Variants in DMD observed in about 807,000 individuals in gnomAD.
The protein encoded by DMD is dystrophin.
A neutral mutation model predicts 330.1 loss-of-function variants in DMD; 63 were observed. That is an observed-to-expected ratio of 0.19 (90% CI 0.16 to 0.24). DMD has a LOEUF of 0.24. Ranked by LOEUF, DMD falls within the 10% of genes least tolerant of loss-of-function variation. The pLI, the probability that DMD is intolerant of heterozygous loss-of-function variation, is 1.00. For missense variants in DMD, 3,344 were observed against 2,684.1 expected (o/e 1.25, Z -5.43); for synonymous variants, 1,223 against 959.8 (o/e 1.27, Z -5.07).
At chrX:33,118,224 C>G (rs762600643) in intron 1 of DMD, among the ~76,000 whole-genome samples, 1 of 106,565 alleles carries the variant, frequency 9.4e-6, no homozygotes, top group African/African-American at 3.4e-5. Context: ...CATTCTCCTG[C>G]CTCAGCCTCC....
intron 13 of DMD, among the ~76,000 whole-genome samples, chrX:32,592,952 T>C (rs1262316417): frequency 8.8e-6 from 1 of 113,074 alleles, no homozygotes; most frequent in African/African-American, 3.2e-5. Flanking sequence ...CTGGTGCCTG[T>C]AGCTGCCTTC....
chrX:32,957,051 G>A (rs1452166236), intron 2 of DMD, among the ~76,000 whole-genome samples: 2 of 111,466 alleles, frequency 1.8e-5, no homozygotes, highest in East Asian at 5.6e-4. Flanking sequence ...TTGCTTTCTA[G>A]ACAGGCTCCA....
chrX:32,487,907 A>G (rs1326333189), intron 20 of DMD, among the ~76,000 whole-genome samples: 2 of 111,925 alleles, frequency 1.8e-5, no homozygotes, highest in African/African-American at 6.5e-5. Flanking sequence ...TTCTGTATTT[A>G]TAGTACAGAA....
At chrX:31,284,524 A>T in intron 62 of DMD, among the ~76,000 whole-genome samples, 1 of 103,571 alleles carries the variant, frequency 9.7e-6, no homozygotes. Flanking sequence ...AGGAAACACA[A>T]ACTCCTTCTT....
intron 1 of DMD, among the ~76,000 whole-genome samples, chrX:33,216,743 G>C (rs899830087): frequency 2.7e-5 from 3 of 109,483 alleles, no homozygotes; most frequent in Non-Finnish European, 5.7e-5. Context: ...ACTTTTTTTT[G>C]TCTACACTTA....
At chrX:32,120,804 C>T (rs2146757306) in intron 44 of DMD, among the ~76,000 whole-genome samples, 1 of 111,667 alleles carries the variant, frequency 9.0e-6, no homozygotes, top group Admixed American at 9.5e-5. Context: ...GGTTAATGAG[C>T]CACTTTGGAT....
intron 62 of DMD, among the ~76,000 whole-genome samples, chrX:31,275,019 A>G (rs1670782789): frequency 9.0e-6 from 1 of 111,353 alleles, no homozygotes; most frequent in African/African-American, 3.3e-5. Context: ...ACAGATTATA[A>G]TAATTACAGA....
intron 52 of DMD, among the ~76,000 whole-genome samples, chrX:31,725,887 G>C (rs1216586514): frequency 2.7e-5 from 3 of 112,253 alleles, no homozygotes; most frequent in Non-Finnish European, 5.6e-5. Flanking sequence ...TGCTATGCAA[G>C]GTATTATGGT....
chrX:32,807,121 T>TAAAAAA (rs1351302403), intron 7 of DMD, among the ~76,000 whole-genome samples: 1 of 42,358 alleles, frequency 2.4e-5, no homozygotes, highest in Non-Finnish European at 4.0e-5. Flanking sequence ...ACGGAAACAT[T>TAAAAAA]TAAAAAAAAA....
chrX:31,468,114 C>T (rs879243018), intron 59 of DMD, among the ~76,000 whole-genome samples: 1 of 111,366 alleles, frequency 9.0e-6, no homozygotes, highest in Non-Finnish European at 1.9e-5. Context: ...TTCAAAAAAC[C>T]AGCCCCTGGC....
chrX:31,728,123 C>T (rs189653107), intron 52 of DMD, among the ~76,000 whole-genome samples: 10,723 of 111,637 alleles, frequency 0.096, 456 homozygotes, highest in Non-Finnish European at 0.12. Flanking sequence ...CCCGGGTTCA[C>T]GCCATTCTCC....
At chrX:32,743,970 T>C (rs1190515072) in intron 7 of DMD, among the ~76,000 whole-genome samples, 1 of 111,164 alleles carries the variant, frequency 9.0e-6, no homozygotes, top group Non-Finnish European at 1.9e-5. Context: ...CTAATAAATA[T>C]ATAGAAACTA....
chrX:33,142,533 G>A (rs975368989), intron 1 of DMD, among the ~76,000 whole-genome samples: 1 of 112,351 alleles, frequency 8.9e-6, no homozygotes, highest in African/African-American at 3.2e-5. Context: ...AAGGTTTGGG[G>A]TTTTTAATTG....
At chrX:31,778,821 G>A (rs754344766) in intron 50 of DMD, among the ~76,000 whole-genome samples, 2 of 110,632 alleles carry the variant, frequency 1.8e-5, no homozygotes, top group Non-Finnish European at 3.8e-5. Flanking sequence ...TGCCTGCCTC[G>A]GCCTCCCAAA....
At chrX:32,676,621 C>T (rs1382077978) in intron 9 of DMD, among the ~76,000 whole-genome samples, 3 of 111,135 alleles carry the variant, frequency 2.7e-5, no homozygotes, top group Non-Finnish European at 5.7e-5. Flanking sequence ...TTAACAAACT[C>T]TTAGGGTTTT....
rs753612719 is a variant in DMD, at chrX:32,108,187, G to A, written c.6438+108729C>T. On this transcript the variant is annotated intron_variant, in intron 44 of 78. Transcript: ENST00000357033. ...CTTTGTTTTGTTTTAGATTCTTAACGCTTTAGTGAAGTTGGATCCACATTT... is the reference window on the plus strand; with the variant it reads ...CTTTGTTTTGTTTTAGATTCTTAACACTTTAGTGAAGTTGGATCCACATTT... Among the ~76,000 whole-genome samples, 10 of 111,470 alleles carry A rather than the reference G, an allele frequency of 9.0e-5. No individual in the cohort carries two copies. The East Asian group carries it at 2.3e-3, about 25-fold the overall frequency.
chrX:31,927,384 T>C (rs2094793719), intron 47 of DMD, among the ~76,000 whole-genome samples: 1 of 112,234 alleles, frequency 8.9e-6, no homozygotes, highest in African/African-American at 3.2e-5. Context: ...AAAGCTGCTA[T>C]TGTATATTTT....
At chrX:32,330,468 C>A (rs1427060785) in intron 41 of DMD, among the ~76,000 whole-genome samples, 1 of 111,741 alleles carries the variant, frequency 8.9e-6, no homozygotes, top group Non-Finnish European at 1.9e-5. Context: ...TTATTTTTAA[C>A]CAGTTGTTCT....
chrX:32,887,175 G>C (rs953455050), intron 2 of DMD, among the ~76,000 whole-genome samples: 2 of 109,058 alleles, frequency 1.8e-5, no homozygotes, highest in Middle Eastern at 4.4e-3. Context: ...GTGAAACCCC[G>C]TCTCTACTAA....
Sources: gnomAD v4.1 joint callset for allele counts (sites outside exome capture counted in the v4.1 genomes callset) on GRCh38, gnomAD v4.1.1 for gene constraint, MANE v1.5 for transcripts, NCBI Gene and HGNC (gene_info 2026-07-23, HGNC 2026-07-21) for gene names.